KCNIP4: variants seen among roughly 807,000 people sequenced by gnomAD.
The protein encoded by KCNIP4 is potassium voltage-gated channel interacting protein 4, also known as Kv channel-interacting protein 4.
Under a neutral mutation model 34.0 loss-of-function variants are expected in KCNIP4, and 12 were observed. That is an observed-to-expected ratio of 0.35 (90% CI 0.23 to 0.57). The LOEUF is 0.57. KCNIP4 is among the 20% of genes least tolerant of loss of function. The probability of loss-of-function intolerance (pLI) is 0.83; values close to 1 mark genes in which losing one functional copy is unlikely to be tolerated. For missense variants in KCNIP4, 238 were observed against 311.7 expected, an observed-to-expected ratio of 0.76 and a Z score of 1.78; for synonymous variants, 124 against 102.2, an observed-to-expected ratio of 1.21 and a Z score of -1.29.
intron 1 of KCNIP4, among the ~76,000 whole-genome samples, chr4:21,738,744 T>C (rs1220327143): frequency 6.6e-6 from 1 of 152,184 alleles, no homozygotes; most frequent in Non-Finnish European, 1.5e-5. Flanking sequence ...TCTATGCATT[T>C]GTCTGGCCAT....
chr4:21,366,213 G>A (rs1719746037), intron 1 of KCNIP4, among the ~76,000 whole-genome samples: 1 of 152,146 alleles, frequency 6.6e-6, no homozygotes, highest in Non-Finnish European at 1.5e-5. Context: ...CTCAGCTGCT[G>A]CAAAGATATA....
intron 4 of KCNIP4, among the ~76,000 whole-genome samples, chr4:20,753,381 C>T (rs868823111): frequency 2.0e-5 from 3 of 152,086 alleles, no homozygotes; most frequent in Non-Finnish European, 2.9e-5. Context: ...GTAAACTACT[C>T]GAGGTTACAT....
At chr4:21,209,732 A>G (rs1327967988) in intron 1 of KCNIP4, among the ~76,000 whole-genome samples, 2 of 151,876 alleles carry the variant, frequency 1.3e-5, no homozygotes, top group East Asian at 1.9e-4. Context: ...TTTTATCCCT[A>G]TCAGTGTCTT....
chr4:20,995,781 G>A (rs1737498097), intron 1 of KCNIP4, among the ~76,000 whole-genome samples: 1 of 152,084 alleles, frequency 6.6e-6, no homozygotes, highest in Non-Finnish European at 1.5e-5. Flanking sequence ...CTGCATTTGT[G>A]CAAAAAAATG....
At chr4:21,039,517 C>T (rs968627575) in intron 1 of KCNIP4, among the ~76,000 whole-genome samples, 3 of 152,026 alleles carry the variant, frequency 2.0e-5, no homozygotes, top group South Asian at 2.1e-4. Context: ...TTATTAAATT[C>T]ATTCTTATAG....
chr4:21,925,120 C>T (rs1232744438), intron 1 of KCNIP4, among the ~76,000 whole-genome samples: 1 of 151,854 alleles, frequency 6.6e-6, no homozygotes, highest in African/African-American at 2.4e-5. Flanking sequence ...TTTTAGGGTA[C>T]ATGTGTACAA....
intron 1 of KCNIP4, among the ~76,000 whole-genome samples, chr4:21,839,856 T>C (rs1723572692): frequency 2.0e-5 from 3 of 152,132 alleles, no homozygotes; most frequent in Admixed American, 2.0e-4. Context: ...GGGATAAGAA[T>C]AGCTAGAGGA....
chr4:21,694,282 C>G (rs1192264448), intron 1 of KCNIP4, among the ~76,000 whole-genome samples: 1 of 151,896 alleles, frequency 6.6e-6, no homozygotes, highest in Non-Finnish European at 1.5e-5. Flanking sequence ...TAGCATGAGC[C>G]CCATCTAGAA....
chr4:21,395,034 T>C (rs2109528913), intron 1 of KCNIP4, among the ~76,000 whole-genome samples: 1 of 152,288 alleles, frequency 6.6e-6, no homozygotes, highest in East Asian at 1.9e-4. Context: ...ATAATCTTTA[T>C]ATTGAATATA....
At chr4:21,457,177 T>C (rs1280252840) in intron 1 of KCNIP4, among the ~76,000 whole-genome samples, 1 of 152,080 alleles carries the variant, frequency 6.6e-6, no homozygotes, top group East Asian at 1.9e-4. Context: ...CCATCTTCAT[T>C]TCCCACCAAA....
intron 3 of KCNIP4, among the ~76,000 whole-genome samples, chr4:20,848,564 A>G (rs1720654316): frequency 6.6e-6 from 1 of 152,166 alleles, no homozygotes; most frequent in African/African-American, 2.4e-5. Context: ...GTGAAGTGCC[A>G]CTTGTATTAG....
chr4:21,276,380 T>TGG (rs1410055187), intron 1 of KCNIP4, among the ~76,000 whole-genome samples: 5 of 114,654 alleles, frequency 4.4e-5, no homozygotes, highest in African/African-American at 1.8e-4. Context: ...TTTTTTTTTT[T>TGG]GGGTAGATAC....
intron 1 of KCNIP4, among the ~76,000 whole-genome samples, chr4:21,533,227 C>T (rs1204560279): frequency 6.6e-6 from 1 of 152,078 alleles, no homozygotes; most frequent in East Asian, 1.9e-4. Flanking sequence ...TGCTCTCTCA[C>T]TTAAACTGTT....
chr4:21,333,829 C>T (rs1264346489), intron 1 of KCNIP4, among the ~76,000 whole-genome samples: 1 of 152,164 alleles, frequency 6.6e-6, no homozygotes, highest in Non-Finnish European at 1.5e-5. Context: ...ATGGATGCTT[C>T]TGTTGATAAG....
intron 1 of KCNIP4, among the ~76,000 whole-genome samples, chr4:21,379,956 G>A (rs1249086026): frequency 1.4e-5 from 2 of 139,818 alleles, no homozygotes; most frequent in South Asian, 2.4e-4. Flanking sequence ...TATCTAAGAA[G>A]AAAATGAGTA....
intron 1 of KCNIP4, among the ~76,000 whole-genome samples, chr4:21,406,748 T>C (rs1355222856): frequency 6.6e-6 from 1 of 152,184 alleles, no homozygotes; most frequent in Non-Finnish European, 1.5e-5. Flanking sequence ...TTGGCAGCAT[T>C]TTCTTAAAGA....
At chr4:21,596,898 C>T (rs1000789877) in intron 1 of KCNIP4, among the ~76,000 whole-genome samples, 3 of 151,922 alleles carry the variant, frequency 2.0e-5, no homozygotes, top group Non-Finnish European at 2.9e-5. Flanking sequence ...GATTTGGAAG[C>T]GGAAACCATC....
chr4:20,830,779 T>C (rs17555380), intron 3 of KCNIP4, among the ~76,000 whole-genome samples: 42,036 of 152,116 alleles, frequency 0.28, 6,008 homozygotes, highest in South Asian at 0.44. Context: ...CAAGTGCTTA[T>C]TGAAGTTACA....
intron 1 of KCNIP4, among the ~76,000 whole-genome samples, chr4:21,056,211 T>C (rs931246750): frequency 2.0e-5 from 3 of 152,106 alleles, no homozygotes; most frequent in Non-Finnish European, 4.4e-5. Flanking sequence ...TATAGCTTAA[T>C]CTCCCCACCT....
Sources: allele counts gnomAD v4.1 joint callset (sites outside exome capture counted in the v4.1 genomes callset), GRCh38; gene constraint gnomAD v4.1.1; transcripts MANE v1.5; gene names NCBI Gene and HGNC (gene_info 2026-07-23, HGNC 2026-07-21).